ITGB3: variants seen among roughly 807,000 people sequenced by gnomAD.
ITGB3 encodes integrin beta-3.
ITGB3 carries 48 observed loss-of-function variants against 85.8 expected under a neutral mutation model. The observed-to-expected ratio is 0.56, with a 90% CI of 0.44 to 0.71. The LOEUF is 0.71. ITGB3 is among the 30% of genes least tolerant of loss of function. The probability of loss-of-function intolerance (pLI) is 0.00; values close to 1 mark genes in which losing one functional copy is unlikely to be tolerated. For missense variants in ITGB3, 861 were observed against 1,019.1 expected (o/e 0.84, Z 2.11); for synonymous variants, 363 against 395.6 (o/e 0.92, Z 0.98).
At chr17:47,284,402 TG>T (rs1464657214) in intron 3 of ITGB3, 40 bp from the exon 4 acceptor site, 2 of 1,613,374 alleles carry the variant, frequency 1.2e-6, no homozygotes. Context: ...TCAATCTTGG[TG>T]GGAGAAGAAG....
At chr17:47,306,310 T>C (rs2065187764) in intron 13 of ITGB3, among the ~76,000 whole-genome samples, 1 of 152,262 alleles carries the variant, frequency 6.6e-6, no homozygotes, top group Non-Finnish European at 1.5e-5. Context: ...TCTCTCCCTC[T>C]GTCATCCAGG....
intron 11 of ITGB3, among the ~76,000 whole-genome samples, chr17:47,300,166 C>G (rs2065160828): frequency 6.6e-6 from 1 of 152,160 alleles, no homozygotes; most frequent in Admixed American, 6.5e-5. Flanking sequence ...CTTTATAGTT[C>G]TCAGAAATGG....
At chr17:47,277,536 C>T (rs2065068316) in intron 2 of ITGB3, among the ~76,000 whole-genome samples, 1 of 152,156 alleles carries the variant, frequency 6.6e-6, no homozygotes, top group Non-Finnish European at 1.5e-5. Flanking sequence ...ATGATCATGT[C>T]TGCTAATAGC....
intron 4 of ITGB3, among the ~76,000 whole-genome samples, chr17:47,285,879 A>G (rs959493608): frequency 6.6e-6 from 1 of 152,174 alleles, no homozygotes; most frequent in Non-Finnish European, 1.5e-5. Flanking sequence ...GCTCTGGTCT[A>G]AGTGCTTTGT....
At chr17:47,300,668 A>T in intron 12 of ITGB3, 90 bp downstream of exon 12, 1 of 936,902 alleles carries the variant, frequency 1.1e-6, no homozygotes, top group Non-Finnish European at 1.7e-6. Context: ...CACCTGTAAA[A>T]TGGAAGCGTG....
intron 1 of ITGB3, among the ~76,000 whole-genome samples, chr17:47,270,074 T>C (rs1420532478): frequency 2.0e-5 from 3 of 152,172 alleles, no homozygotes; most frequent in Non-Finnish European, 4.4e-5. Context: ...AACTTACTAT[T>C]AGGAGAACAG....
At chr17:47,306,267 T>G (rs2065187473) in intron 13 of ITGB3, among the ~76,000 whole-genome samples, 1 of 150,440 alleles carries the variant, frequency 6.6e-6, no homozygotes, top group Non-Finnish European at 1.5e-5. Context: ...TCTCTCTCTT[T>G]CTGTATTTCT....
intron 12 of ITGB3, among the ~76,000 whole-genome samples, chr17:47,301,929 T>A (rs2065168711): frequency 6.6e-6 from 1 of 152,160 alleles, no homozygotes; most frequent in Non-Finnish European, 1.5e-5. Flanking sequence ...TCTGAAGGGT[T>A]GTTGAGTTCA....
chr17:47,258,509 C>G (rs2064998242), intron 1 of ITGB3, among the ~76,000 whole-genome samples: 1 of 151,322 alleles, frequency 6.6e-6, no homozygotes, highest in Admixed American at 6.6e-5. Flanking sequence ...GCATACAGTT[C>G]TATGAATTTT....
intron 14 of ITGB3, among the ~76,000 whole-genome samples, 163 bp downstream of exon 14, chr17:47,307,800 G>A (rs1938575305): frequency 6.6e-6 from 1 of 152,106 alleles, no homozygotes; most frequent in Non-Finnish European, 1.5e-5. Flanking sequence ...TTGTCCTTCA[G>A]CTTCCTTCAG....
rs1055909214 is a variant in ITGB3, at chr17:47,312,759, G to A, written c.*2555G>A. 2.0e-5 allele frequency among the ~76,000 whole-genome samples: 3 copies of A among 152,322 alleles called. No individual in the cohort carries two copies. Among genetic ancestry groups the A allele is most frequent in the African/African-American group, 7.2e-5 (3 of 41,572 alleles). Reference sequence around the variant, plus strand: ...GATAACCTGTAGCTGCATTCATGAGGTAGCAAATAGCAGTTTTGGCCTGTG... The same window carrying A: ...GATAACCTGTAGCTGCATTCATGAGATAGCAAATAGCAGTTTTGGCCTGTG... On this transcript the variant is annotated 3_prime_UTR_variant, in exon 15 of 15. Transcript: ENST00000559488.
intron 11 of ITGB3, among the ~76,000 whole-genome samples, chr17:47,300,136 A>G (rs187111975): frequency 6.6e-6 from 1 of 152,302 alleles, no homozygotes; most frequent in East Asian, 1.9e-4. Context: ...TGGGCCCCCA[A>G]ATGACATGAC....
intron 1 of ITGB3, among the ~76,000 whole-genome samples, chr17:47,259,688 T>G (rs1391644964): frequency 6.6e-6 from 1 of 152,058 alleles, no homozygotes; most frequent in Non-Finnish European, 1.5e-5. Context: ...TCACCTGAGG[T>G]CAGGAGTTCA....
intron 1 of ITGB3, among the ~76,000 whole-genome samples, chr17:47,267,340 T>C (rs1261315683): frequency 6.6e-6 from 1 of 152,046 alleles, no homozygotes; most frequent in Non-Finnish European, 1.5e-5. Context: ...CAGGAATGAG[T>C]CTGGGCCCCA....
In ITGB3 at chr17:47,287,174, T is replaced by C. The variant is rs5919; in HGVS notation, c.882T>C (p.Pro294=). Reference sequence around the variant, plus strand: ...GAAGGCTGGCAGGCATTGTCCAGCCTAATGACGGGCAGTGTCATGTTGGTA... The same window carrying C: ...GAAGGCTGGCAGGCATTGTCCAGCCCAATGACGGGCAGTGTCATGTTGGTA... ...LDGRLAGIVQ[P]NDGQCHVGSD... Residue 294 remains proline, a synonymous_variant, in exon 6 of 15, where the codon CCT becomes CCC. Coordinates refer to ENST00000559488, the MANE Select transcript of ITGB3 (RefSeq NM_000212.3). 133,261 of 1,613,828 alleles carry C rather than the reference T, an allele frequency of 0.083. 7,061 individuals carry two copies. Among genetic ancestry groups the C allele is most frequent in the East Asian group, 0.22 (10,008 of 44,860 alleles).
At chr17:47,267,502 T>G (rs149981614) in intron 1 of ITGB3, among the ~76,000 whole-genome samples, 26 of 152,312 alleles carry the variant, frequency 1.7e-4, no homozygotes, top group African/African-American at 5.5e-4. Context: ...CAGTCACTTT[T>G]AACCACTGCA....
chr17:47,260,331 C>T (rs1455801004), intron 1 of ITGB3, among the ~76,000 whole-genome samples: 5 of 94 alleles, frequency 0.053, no homozygotes, highest in African/African-American at 0.15. Context: ...CAATTTGCTC[C>T]TGCCCCTTCC....
In ITGB3 at chr17:47,253,833, C is replaced by T; in HGVS notation, c.-29C>T. 1.7e-6 allele frequency: 2 copies of T among 1,179,472 alleles called. No individual in the cohort carries two copies. Among genetic ancestry groups the T allele is most frequent in the Non-Finnish European group, 2.1e-6 (2 of 948,982 alleles). The allele number at this position is 1,179,472 out of a possible 1,614,324, so 73.1% of individuals were successfully genotyped here. On this transcript the variant is annotated 5_prime_UTR_variant, in exon 1 of 15. Transcript: ENST00000559488. ...GCGGGCGGCGGCGCCCACTGTGGGG[C>T]GGGCGGAGCGCCGCGGGAGGCGGAC... is the stretch of plus-strand genomic sequence containing the variant.
At position 47,300,346 on chromosome 17, in the gene ITGB3, C is replaced by CGCGTGT. The variant is rs377375532; in HGVS notation, c.1914-131_1914-130insCGTGTG. 3.1e-3 allele frequency: 1,906 copies of CGCGTGT among 619,730 alleles called. 23 individuals carry two copies. The highest frequency in any genetic ancestry group is 0.028 in the African/African-American group (1,523 of 54,018). 38.4% of individuals were successfully genotyped at this position (619,730 alleles called of 1,614,324 possible). On this transcript the variant is annotated intron_variant, in intron 11 of 14. Coordinates refer to ENST00000559488, the MANE Select transcript of ITGB3 (RefSeq NM_000212.3). The stretch of plus-strand genomic sequence containing the variant: ...GGATTGTCTTACAGGCGCGCGCGCG[C>CGCGTGT]GTGTGTGTGTGTGTGTGTGTGTTTT...
Sources: allele counts gnomAD v4.1 joint callset (sites outside exome capture counted in the v4.1 genomes callset), GRCh38; gene constraint gnomAD v4.1.1; transcripts MANE v1.5; gene names NCBI Gene and HGNC (gene_info 2026-07-23, HGNC 2026-07-21).